The following SCN8A variants were observed in gnomAD, a reference collection of about 807,000 sequenced individuals.
SCN8A encodes the protein sodium channel protein type 8 subunit alpha.
SCN8A carries 30 observed loss-of-function variants against 184.1 expected under a neutral mutation model. The observed-to-expected ratio is 0.16, with a 90% confidence interval of 0.12 to 0.22. The LOEUF (loss-of-function observed/expected upper bound fraction) is 0.22, where lower values mean the gene tolerates loss of function less well. Among genes scored for constraint, SCN8A ranks in the 10% least tolerant of loss-of-function variants. The pLI is 1.00. For synonymous variants in SCN8A, 852 were observed against 907.0 expected (o/e 0.94, Z 1.09); for missense variants, 1,057 against 2,498.9 (o/e 0.42, Z 12.30).
chr12:51,768,768 T>G, intron 16 of SCN8A, 97 bp from the exon 17 acceptor site: 1 of 896,072 alleles, frequency 1.1e-6, no homozygotes. Flanking sequence ...CCTCTTTGAG[T>G]CTGTCACGTG....
intron 1 of SCN8A, among the ~76,000 whole-genome samples, chr12:51,640,508 C>T (rs989488456): frequency 5.9e-5 from 9 of 151,710 alleles, no homozygotes. Context: ...TCCCAAGCAG[C>T]AATAGGTAAG....
chr12:51,752,867 A>C (rs760248240), intron 14 of SCN8A, among the ~76,000 whole-genome samples: 2 of 152,178 alleles, frequency 1.3e-5, no homozygotes, highest in Non-Finnish European at 2.9e-5. Flanking sequence ...AGTAACAAGA[A>C]ATATGTCTTG....
chr12:51,663,421 C>T (rs1389814710), intron 2 of SCN8A, among the ~76,000 whole-genome samples: 2 of 152,188 alleles, frequency 1.3e-5, no homozygotes, highest in African/African-American at 4.8e-5. Flanking sequence ...CTCAAACACA[C>T]ATTCAAAATT....
chr12:51,597,955 T>C (rs972051092), intron 1 of SCN8A, among the ~76,000 whole-genome samples: 18 of 152,120 alleles, frequency 1.2e-4, no homozygotes, highest in Non-Finnish European at 4.4e-5. Flanking sequence ...ATTATTAAAT[T>C]GCAGGAAAAA....
At chr12:51,788,287 C>CTTTTTTTTTTTTTTTTTTTTT (rs66672221) in intron 22 of SCN8A, among the ~76,000 whole-genome samples, 4 of 84,010 alleles carry the variant, frequency 4.8e-5, no homozygotes, top group African/African-American at 2.0e-4. Context: ...CGCTTAACAC[C>CTTTTTTTTTTTTTTTTTTTTT]TTTTTTTTTT....
At chr12:51,629,456 C>T (rs1230721224) in intron 1 of SCN8A, among the ~76,000 whole-genome samples, 4 of 152,038 alleles carry the variant, frequency 2.6e-5, no homozygotes, top group Non-Finnish European at 5.9e-5. Flanking sequence ...CCAGACATTG[C>T]CAGATGTTCC....
intron 12 of SCN8A, among the ~76,000 whole-genome samples, chr12:51,736,505 C>T (rs1942328373): frequency 6.6e-6 from 1 of 152,218 alleles, no homozygotes; most frequent in African/African-American, 2.4e-5. Context: ...ATAGCTTTAG[C>T]TTCATTCCAG....
At chr12:51,676,320 A>C (rs182953499) in intron 2 of SCN8A, among the ~76,000 whole-genome samples, 1 of 152,346 alleles carries the variant, frequency 6.6e-6, no homozygotes, top group African/African-American at 2.4e-5. Context: ...GGAATTCACT[A>C]GGCAGATTAG....
intron 1 of SCN8A, among the ~76,000 whole-genome samples, chr12:51,628,056 T>C (rs1403621204): frequency 4.6e-5 from 7 of 151,806 alleles, no homozygotes; most frequent in Admixed American, 1.3e-4. Context: ...TGGAATGGAG[T>C]TGATAAAAAG....
At chr12:51,717,634 G>A (rs1211418939) in intron 11 of SCN8A, among the ~76,000 whole-genome samples, 1 of 152,190 alleles carries the variant, frequency 6.6e-6, no homozygotes, top group Non-Finnish European at 1.5e-5. Flanking sequence ...GAAGAAGGAC[G>A]TGCAAGGGCT....
intron 1 of SCN8A, among the ~76,000 whole-genome samples, chr12:51,613,652 C>T (rs986722590): frequency 6.6e-6 from 1 of 151,868 alleles, no homozygotes; most frequent in Non-Finnish European, 1.5e-5. Flanking sequence ...TCTTCCTTTT[C>T]TGTTTTTCTA....
intron 1 of SCN8A, among the ~76,000 whole-genome samples, chr12:51,657,470 A>G (rs986371222): frequency 3.3e-4 from 50 of 151,902 alleles, no homozygotes; most frequent in African/African-American, 1.1e-3. Flanking sequence ...CTATGTTTTA[A>G]TTGAATTATT....
intron 20 of SCN8A, chr12:51,780,274 A>G (rs778358410): frequency 2.2e-6 from 1 of 454,900 alleles, no homozygotes; most frequent in South Asian, 1.6e-5. Context: ...GGGCGAGGGT[A>G]AGGCTCTTGT....
At chr12:51,614,784 CTT>C (rs35444197) in intron 1 of SCN8A, among the ~76,000 whole-genome samples, 2 of 142,434 alleles carry the variant, frequency 1.4e-5, no homozygotes, top group Non-Finnish European at 1.5e-5. Flanking sequence ...ACTGTATGTT[CTT>C]TTTTTTTTTT....
chr12:51,606,020 T>C (rs1939584260), intron 1 of SCN8A, among the ~76,000 whole-genome samples: 1 of 152,148 alleles, frequency 6.6e-6, no homozygotes, highest in Admixed American at 6.5e-5. Flanking sequence ...ATATAGATTG[T>C]CAAGATTTTC....
chr12:51,640,134 C>T (rs2138630680), intron 1 of SCN8A, among the ~76,000 whole-genome samples: 1 of 138,868 alleles, frequency 7.2e-6, no homozygotes, highest in Admixed American at 7.5e-5. Flanking sequence ...TTGTCTTAAA[C>T]TATTGGCCTC....
chr12:51,607,312 C>T (rs907547738), intron 1 of SCN8A, among the ~76,000 whole-genome samples: 4 of 152,120 alleles, frequency 2.6e-5, no homozygotes, highest in Non-Finnish European at 5.9e-5. Flanking sequence ...TTTATCAGTT[C>T]TTGGAGCTTT....
intron 1 of SCN8A, among the ~76,000 whole-genome samples, chr12:51,622,055 A>T (rs779323889): frequency 6.6e-6 from 1 of 152,302 alleles, no homozygotes; most frequent in Non-Finnish European, 1.5e-5. Context: ...ATGATCATAT[A>T]CTTCTGTCAC....
At chr12:51,622,979 A>C (rs1400295328) in intron 1 of SCN8A, among the ~76,000 whole-genome samples, 1 of 152,006 alleles carries the variant, frequency 6.6e-6, no homozygotes, top group Non-Finnish European at 1.5e-5. Flanking sequence ...TTCTTCCTGA[A>C]ATTGTTCTAG....
Sources: allele counts gnomAD v4.1 joint callset (sites outside exome capture counted in the v4.1 genomes callset), GRCh38; gene constraint gnomAD v4.1.1; transcripts MANE v1.5; gene names NCBI Gene and HGNC (gene_info 2026-07-23, HGNC 2026-07-21).